RUFY3: variants seen among roughly 807,000 people sequenced by gnomAD.
RUFY3 encodes the protein protein RUFY3.
Under a neutral mutation model 84.0 loss-of-function variants are expected in RUFY3, and 34 were observed. The ratio of observed to expected loss-of-function variants is 0.40; its 90% CI spans 0.31 to 0.54. RUFY3 has a LOEUF of 0.54. RUFY3 is among the 20% of genes least tolerant of loss of function. RUFY3 has a pLI of 0.39. For missense variants in RUFY3, 507 were observed against 736.8 expected (o/e 0.69, Z 3.61); for synonymous variants, 242 against 252.9 (o/e 0.96, Z 0.41).
At position 70,806,891 on chromosome 4, in the gene RUFY3, AAAC is replaced by A. The variant is rs1732907538; in HGVS notation, c.*236_*238del. On this transcript the variant is annotated 3_prime_UTR_variant, in exon 18 of 18. Transcript: ENST00000381006. ...ACTTGAGCCTTTCTCTTCTAAATCT[AAAC>A]AACCTGATATTGAAGGTTTGCTTTA... 7.1e-6 allele frequency: 3 copies of A among 423,038 alleles called. No individual in the cohort carries two copies. The highest frequency in any genetic ancestry group is 1.3e-5 in the Non-Finnish European group (3 of 239,552). The allele number at this position is 423,038 out of a possible 1,614,324, so 26.2% of individuals were successfully genotyped here. A position where few individuals can be genotyped will look rare whatever the true frequency, so the allele number is the denominator to read the frequency against.
chr4:70,798,743 T>A (rs935651501), intron 14 of RUFY3, among the ~76,000 whole-genome samples: 2 of 146,634 alleles, frequency 1.4e-5, no homozygotes, highest in Admixed American at 6.8e-5. Context: ...GAGGCAGAGG[T>A]TGCAGCGAGC....
chr4:70,735,643 C>G (rs1474272067), intron 1 of RUFY3, among the ~76,000 whole-genome samples: 1 of 151,932 alleles, frequency 6.6e-6, no homozygotes, highest in African/African-American at 2.4e-5. Flanking sequence ...GAGTTCAAGG[C>G]CAGCCTGGGC....
chr4:70,760,011 A>G (rs1026274406), intron 1 of RUFY3, among the ~76,000 whole-genome samples: 1 of 152,320 alleles, frequency 6.6e-6, no homozygotes, highest in South Asian at 2.1e-4. Context: ...CAACAGTGCC[A>G]AGGTTGAGAG....
At chr4:70,748,503 G>T (rs1722593888) in intron 1 of RUFY3, among the ~76,000 whole-genome samples, 1 of 152,174 alleles carries the variant, frequency 6.6e-6, no homozygotes, top group Non-Finnish European at 1.5e-5. Flanking sequence ...TAAGGACAGT[G>T]GTTATTCCTG....
intron 5 of RUFY3, among the ~76,000 whole-genome samples, chr4:70,772,592 G>C (rs1417264351): frequency 1.3e-5 from 2 of 151,830 alleles, no homozygotes; most frequent in Admixed American, 1.3e-4. Context: ...ACAAACTTCT[G>C]TTATGTTTTA....
At chr4:70,732,838 A>G (rs913483844) in intron 1 of RUFY3, among the ~76,000 whole-genome samples, 2 of 152,016 alleles carry the variant, frequency 1.3e-5, no homozygotes, top group African/African-American at 4.8e-5. Context: ...CAGCAAACCA[A>G]CATGGCACAT....
chr4:70,795,235 G>A (rs1731354407), intron 14 of RUFY3, among the ~76,000 whole-genome samples: 1 of 152,104 alleles, frequency 6.6e-6, no homozygotes, highest in African/African-American at 2.4e-5. Flanking sequence ...TAATAAAATA[G>A]TATAATAATC....
chr4:70,737,013 TA>T (rs2148632353), intron 1 of RUFY3, among the ~76,000 whole-genome samples: 1 of 152,392 alleles, frequency 6.6e-6, no homozygotes, highest in South Asian at 2.1e-4. Flanking sequence ...TTAATTTTTA[TA>T]CACATTGCCA....
intron 1 of RUFY3, among the ~76,000 whole-genome samples, chr4:70,708,535 C>T (rs188060471): frequency 1.1e-4 from 16 of 152,242 alleles, no homozygotes; most frequent in African/African-American, 1.9e-4. Context: ...GTGAATATTA[C>T]GATGACTGGC....
chr4:70,745,249 T>A (rs1028137792), intron 1 of RUFY3, among the ~76,000 whole-genome samples: 1 of 152,208 alleles, frequency 6.6e-6, no homozygotes, highest in African/African-American at 2.4e-5. Flanking sequence ...CGGCCTGAAC[T>A]ATTTTTTACA....
At chr4:70,784,639 C>T (rs1729487013) in intron 9 of RUFY3, among the ~76,000 whole-genome samples, 157 bp from the exon 10 acceptor site, 1 of 152,174 alleles carries the variant, frequency 6.6e-6, no homozygotes, top group South Asian at 2.1e-4. Flanking sequence ...TCAGCTTAAC[C>T]TTTAAAAATG....
chr4:70,792,656 G>C, intron 12 of RUFY3: 2 of 985,334 alleles, frequency 2.0e-6, no homozygotes, highest in Non-Finnish European at 2.4e-6. Flanking sequence ...TGGGGACACA[G>C]ATAACCCCTT....
At chr4:70,714,434 C>A (rs1741347757) in intron 1 of RUFY3, among the ~76,000 whole-genome samples, 1 of 152,218 alleles carries the variant, frequency 6.6e-6, no homozygotes, top group South Asian at 2.1e-4. Flanking sequence ...TGTTTCTTGT[C>A]TATTGCCTTG....
chr4:70,751,703 C>T (rs1264448273), intron 1 of RUFY3, among the ~76,000 whole-genome samples: 1 of 152,080 alleles, frequency 6.6e-6, no homozygotes, highest in Non-Finnish European at 1.5e-5. Context: ...TTTTCACTTT[C>T]TTGATGATGT....
intron 12 of RUFY3, chr4:70,789,851 G>A (rs1416470528): frequency 8.9e-7 from 1 of 1,125,356 alleles, no homozygotes; most frequent in Non-Finnish European, 1.1e-6. Flanking sequence ...TTGAACATCA[G>A]AACTCTTAAT....
intron 1 of RUFY3, among the ~76,000 whole-genome samples, chr4:70,711,266 C>T (rs998463172): frequency 6.6e-6 from 1 of 151,944 alleles, no homozygotes; most frequent in East Asian, 1.9e-4. Context: ...GCCTCAAGCA[C>T]GTGTTAATCA....
intron 1 of RUFY3, among the ~76,000 whole-genome samples, chr4:70,723,767 G>C (rs1368336042): frequency 1.3e-5 from 2 of 152,156 alleles, no homozygotes; most frequent in Non-Finnish European, 2.9e-5. Flanking sequence ...ACATCGACAG[G>C]ACAAAGAAGA....
At chr4:70,756,318 C>A (rs1398992360) in intron 1 of RUFY3, among the ~76,000 whole-genome samples, 1 of 152,170 alleles carries the variant, frequency 6.6e-6, no homozygotes, top group East Asian at 1.9e-4. Context: ...GTTCATGCAC[C>A]CTTCCAATCA....
At chr4:70,785,522 A>G (rs1729641535) in intron 10 of RUFY3, among the ~76,000 whole-genome samples, 1 of 152,114 alleles carries the variant, frequency 6.6e-6, no homozygotes, top group African/African-American at 2.4e-5. Context: ...TGGAAAACAT[A>G]GTTGTCTTAA....
Sources: allele counts gnomAD v4.1 joint callset (sites outside exome capture counted in the v4.1 genomes callset), GRCh38; gene constraint gnomAD v4.1.1; transcripts MANE v1.5; gene names NCBI Gene and HGNC (gene_info 2026-07-23, HGNC 2026-07-21).